FABP5: variants seen among roughly 807,000 people sequenced by gnomAD.
The protein encoded by FABP5 is fatty acid binding protein 5.
A neutral mutation model predicts 16.9 loss-of-function variants in FABP5; 7 were observed. The ratio of observed to expected loss-of-function variants is 0.41; its 90% CI spans 0.24 to 0.78. FABP5 has a LOEUF of 0.78. FABP5 is among the 30% of genes least tolerant of loss of function. The probability of loss-of-function intolerance (pLI) is 0.30; values close to 1 mark genes in which losing one functional copy is unlikely to be tolerated. For missense variants in FABP5, 119 were observed against 159.5 expected, an observed-to-expected ratio of 0.75 and a Z score of 1.37; for synonymous variants, 37 against 52.8, an observed-to-expected ratio of 0.70 and a Z score of 1.30.
intron 1 of FABP5, chr8:81,282,934 T>C (rs1251399321): frequency 6.5e-6 from 1 of 153,964 alleles, no homozygotes; most frequent in Non-Finnish European, 1.4e-5. Context: ...TTGAATGCTT[T>C]ATCTCCACCT....
At chr8:81,283,763 A>C in intron 2 of FABP5, 110 bp from the exon 3 acceptor site, 1 of 1,012,166 alleles carries the variant, frequency 9.9e-7, no homozygotes, top group Non-Finnish European at 1.4e-6. Flanking sequence ...GGGTTAATGA[A>C]GTAGACTCAG....
Position 81,280,567 on chromosome 8 carries a change from C to A in FABP5, c.-29C>A. ...CGCTGCCACGCCGACGCAGACCCCT[C>A]TCTGCACGCCAGCCCGCCCGCACCC... is the stretch of plus-strand genomic sequence containing the variant. On this transcript the variant is annotated 5_prime_UTR_variant, in exon 1 of 4. Coordinates refer to ENST00000297258, the MANE Select transcript of FABP5 (RefSeq NM_001444.3). 6.5e-7 allele frequency: 1 copy of A among 1,547,670 alleles called. No homozygotes were observed. The highest frequency in any genetic ancestry group is 1.2e-5 in the South Asian group (1 of 83,718).
At position 81,281,338 on chromosome 8, in the gene FABP5, G is replaced by A; in HGVS notation, c.79+664G>A. ...GGTCCTCTGCTCGCCCTTACCAGTTGAGCCGAACCCTTTGGATTGGTACCC... is the reference window on the plus strand; with the variant it reads ...GGTCCTCTGCTCGCCCTTACCAGTTAAGCCGAACCCTTTGGATTGGTACCC... On this transcript the variant is annotated intron_variant, in intron 1 of 3. Coordinates refer to ENST00000297258, the MANE Select transcript of FABP5 (RefSeq NM_001444.3). The surrounding 1 kb of genome is among the most constrained non-coding windows in gnomAD (Gnocchi z 4.5). 1.0e-6 allele frequency: 1 copy of A among 985,524 alleles called. No individual in the cohort carries two copies. Among genetic ancestry groups the A allele is most frequent in the Non-Finnish European group, 1.2e-6 (1 of 830,018 alleles). The allele number at this position is 985,524 out of a possible 1,614,324, so 61.0% of individuals were successfully genotyped here.
rs1376638163 is a variant in FABP5 at position 81,281,161 on chromosome 8, G to T, written c.79+487G>T. ...ACCCACTCCCCTTTCCCTCCCTGTC[G>T]CATCTTTTGTTCCCTGTGGCGCGCA... On this transcript the variant is annotated intron_variant, in intron 1 of 3. Transcript: ENST00000297258. The surrounding 1 kb of genome is among the most constrained non-coding windows in gnomAD (Gnocchi z 4.5). 2 of 184,854 alleles carry T rather than the reference G, an allele frequency of 1.1e-5. No homozygotes were observed. Among genetic ancestry groups the T allele is most frequent in the East Asian group, 1.9e-4 (1 of 5,328 alleles). 11.5% of individuals were successfully genotyped at this position (184,854 alleles called of 1,614,324 possible).
At position 81,280,568 on chromosome 8, in the gene FABP5, T is replaced by C. The variant is rs1234292969; in HGVS notation, c.-28T>C. On this transcript the variant is annotated 5_prime_UTR_variant, in exon 1 of 4. Transcript: ENST00000297258. ...GCTGCCACGCCGACGCAGACCCCTC[T>C]CTGCACGCCAGCCCGCCCGCACCCA... 1.3e-6 allele frequency: 2 copies of C among 1,547,766 alleles called. No individual in the cohort carries two copies. The highest frequency in any genetic ancestry group is 1.2e-5 in the South Asian group (1 of 83,688).
Position 81,281,326 on chromosome 8 carries a change from C to A in FABP5, c.79+652C>A, listed in dbSNP as rs987780369. 6 of 984,408 alleles carry A rather than the reference C, an allele frequency of 6.1e-6. No individual in the cohort carries two copies. The African/African-American group carries it at 1.0e-4, about 17-fold the overall frequency. The allele number at this position is 984,408 out of a possible 1,614,324, so 61.0% of individuals were successfully genotyped here. On this transcript the variant is annotated intron_variant, in intron 1 of 3. Transcript: ENST00000297258. This position sits in a 1 kb window ranked among gnomAD's most constrained non-coding sequence, Gnocchi z 4.5. The stretch of plus-strand genomic sequence containing the variant: ...CCGTCTCCCCCAGGTCCTCTGCTCG[C>A]CCTTACCAGTTGAGCCGAACCCTTT...
intron 1 of FABP5, chr8:81,280,914 G>GGTGGTCCACCCC: frequency 1.9e-6 from 1 of 515,476 alleles, no homozygotes; most frequent in Non-Finnish European, 3.5e-6. Flanking sequence ...AGATTCCGGA[G>GGTGGTCCACCCC]GTGGTCCACC....
rs1480477724 is a variant in FABP5 at position 81,283,803 on chromosome 8, A to G, written c.253-70A>G. 8.1e-6 allele frequency: 10 copies of G among 1,230,954 alleles called. No homozygotes were observed. In the East Asian group the frequency reaches 2.5e-4, roughly 31 times the overall value. 76.3% of individuals were successfully genotyped at this position (1,230,954 alleles called of 1,614,324 possible). A position where few individuals can be genotyped will look rare whatever the true frequency, so the allele number is the denominator to read the frequency against. On this transcript the variant is annotated intron_variant, in intron 2 of 3. Transcript: ENST00000297258. ...GAGAAGGTGAAACAAATGTTGATTAAGGAGGTTATGAGTCATGGAAACTCT... is the reference window on the plus strand; with the variant it reads ...GAGAAGGTGAAACAAATGTTGATTAGGGAGGTTATGAGTCATGGAAACTCT...
chr8:81,281,980 G>A lies in FABP5; in HGVS notation c.79+1306G>A, dbSNP rs1333742058. On this transcript the variant is annotated intron_variant, in intron 1 of 3. Coordinates refer to ENST00000297258, the MANE Select transcript of FABP5 (RefSeq NM_001444.3). This position sits in a 1 kb window ranked among gnomAD's most constrained non-coding sequence, Gnocchi z 4.5. ...CCTCTATTGATACCTGGTCGCCGTG[G>A]CACTTCGGAATCACTCCTTCAGTAC... Among the ~76,000 whole-genome samples, 2 of 152,108 alleles carry A rather than the reference G, an allele frequency of 1.3e-5. No homozygotes were observed. The highest frequency in any genetic ancestry group is 4.8e-5 in the African/African-American group (2 of 41,408).
At position 81,284,755 on chromosome 8, in the gene FABP5, A is replaced by G. The variant is rs1807885647; in HGVS notation, c.*188A>G. ...AATTAGGATCATCCCTTTGGTTAAT[A>G]AATAAATGTGTTTGTGCTAATATAT... On this transcript the variant is annotated 3_prime_UTR_variant, in exon 4 of 4. Transcript: ENST00000297258. 1.9e-6 allele frequency: 1 copy of G among 533,114 alleles called. No individual in the cohort carries two copies. The highest frequency in any genetic ancestry group is 3.0e-5 in the East Asian group (1 of 33,430). The allele number at this position is 533,114 out of a possible 1,614,324, so 33.0% of individuals were successfully genotyped here.
chr8:81,283,098 C>T (rs1035707381), intron 1 of FABP5: 50 of 287,898 alleles, frequency 1.7e-4, no homozygotes, highest in Middle Eastern at 9.9e-4. Flanking sequence ...GTTGAATGAT[C>T]TTGGGCAAGT....
At chr8:81,283,586 G>A in intron 2 of FABP5, 48 bp downstream of exon 2, 1 of 1,523,138 alleles carries the variant, frequency 6.6e-7, no homozygotes, top group Non-Finnish European at 8.9e-7. Flanking sequence ...AGAATGATAG[G>A]CTGTATCAAT....
rs1485301971 is a variant in FABP5, at chr8:81,283,930, GA to G, written c.313del (p.Ser105AlafsTer3). On this transcript the variant is annotated frameshift_variant, in exon 3 of 4. Coordinates refer to ENST00000297258, the MANE Select transcript of FABP5 (RefSeq NM_001444.3). LOFTEE classifies it high-confidence loss of function. ...TCAGCATCAGGAGTGGGATGGGAAGGAAAGCACAATAACAAGAAAATTGAAA... is the reference window on the plus strand; with the variant it reads ...TCAGCATCAGGAGTGGGATGGGAAGGAAGCACAATAACAAGAAAATTGAAA... ...LVQHQEWDGK[E>X]STITRKLKDG... 2 of 1,612,384 alleles carry G rather than the reference GA, an allele frequency of 1.2e-6. No homozygotes were observed. The highest frequency in any genetic ancestry group is 2.7e-5 in the African/African-American group (2 of 74,852).
Position 81,284,201 on chromosome 8 carries a change from TGCCAC to T in FABP5, c.354+229_354+233del, listed in dbSNP as rs1342051399. The T allele has an allele frequency of 7.4e-6, 4 of 543,016 alleles. No individual in the cohort carries two copies. The African/African-American group carries it at 7.6e-5, about 10-fold the overall frequency. The allele number at this position is 543,016 out of a possible 1,614,324, so 33.6% of individuals were successfully genotyped here. On this transcript the variant is annotated intron_variant, in intron 3 of 3. Coordinates refer to ENST00000297258, the MANE Select transcript of FABP5 (RefSeq NM_001444.3). ...GAGTTGGGGGGAGTTCTTGCTTTGC[TGCCAC>T]GTCACAGTGAAATCTTGGCAAGCCA...
intron 1 of FABP5, among the ~76,000 whole-genome samples, chr8:81,282,157 A>C (rs1329521874): frequency 7.7e-6 from 1 of 130,562 alleles, no homozygotes; most frequent in Non-Finnish European, 1.6e-5. Context: ...GCACCTGTCC[A>C]ATAAATAACA....
In FABP5 at chr8:81,281,037, C is replaced by A; in HGVS notation, c.79+363C>A. 4.6e-6 allele frequency: 1 copy of A among 218,556 alleles called. No homozygotes were observed. The highest frequency in any genetic ancestry group is 9.1e-6 in the Non-Finnish European group (1 of 109,976). 13.5% of individuals were successfully genotyped at this position (218,556 alleles called of 1,614,324 possible). ...CACCTCACGCTGCACTTCTTTCGAC[C>A]CCCTCCAGGCGACCCTGTATTTCCC... On this transcript the variant is annotated intron_variant, in intron 1 of 3. Transcript: ENST00000297258. This position sits in a 1 kb window ranked among gnomAD's most constrained non-coding sequence, Gnocchi z 4.5.
rs535166928 is a variant in FABP5 at position 81,280,796 on chromosome 8, T to A, written c.79+122T>A. The A allele has an allele frequency of 1.3e-5, 11 of 839,522 alleles. No individual in the cohort carries two copies. The South Asian group carries it at 1.8e-4, about 14-fold the overall frequency. 52.0% of individuals were successfully genotyped at this position (839,522 alleles called of 1,614,324 possible). A position where few individuals can be genotyped will look rare whatever the true frequency, so the allele number is the denominator to read the frequency against. On this transcript the variant is annotated intron_variant, in intron 1 of 3. Coordinates refer to ENST00000297258, the MANE Select transcript of FABP5 (RefSeq NM_001444.3). ...TGCTCGGCGGCCTACCCCCATCCCC[T>A]CCCATCTTCCCCACCACGCGGCCGT...
Position 81,281,490 on chromosome 8 carries a change from C to T in FABP5, c.79+816C>T. ...GGAGCGCAATGAGGCCTGGGGGTGG[C>T]CGTGTGTTGCCATCCTGGCCTCTGC... On this transcript the variant is annotated intron_variant, in intron 1 of 3. Transcript: ENST00000297258. The surrounding 1 kb of genome is among the most constrained non-coding windows in gnomAD (Gnocchi z 4.5). 1.0e-6 allele frequency: 1 copy of T among 985,484 alleles called. No homozygotes were observed. The allele number at this position is 985,484 out of a possible 1,614,324, so 61.0% of individuals were successfully genotyped here.
Position 81,283,960 on chromosome 8 carries a change from G to C in FABP5, c.340G>C (p.Gly114Arg), listed in dbSNP as rs75108814. Residue 114 changes from glycine (G) to arginine (R), a missense_variant, in exon 3 of 4, where the codon GGG (glycine) becomes CGG (arginine). Coordinates refer to ENST00000297258, the MANE Select transcript of FABP5 (RefSeq NM_001444.3). ...ESTITRKLKD[G>R]KLVVECVMNN... is the part of the protein sequence containing the mutation. Reference sequence around the variant, plus strand: ...CACAATAACAAGAAAATTGAAAGATGGGAAATTAGTGGTGGTAAGTGTCAA... The same window carrying C: ...CACAATAACAAGAAAATTGAAAGATCGGAAATTAGTGGTGGTAAGTGTCAA... The C allele has an allele frequency of 1.2e-6, 2 of 1,607,556 alleles. No homozygotes were observed. The highest frequency in any genetic ancestry group is 4.5e-5 in the East Asian group (2 of 44,608).
Sources: gnomAD v4.1 joint callset for allele counts (sites outside exome capture counted in the v4.1 genomes callset) on GRCh38, gnomAD v4.1.1 for gene constraint, Gnocchi (gnomAD v3.1) non-coding constraint, MANE v1.5 for transcripts, NCBI Gene and HGNC (gene_info 2026-07-23, HGNC 2026-07-21) for gene names.